The following DCLK2 variants were observed in gnomAD, a reference collection of about 807,000 sequenced individuals.
DCLK2 encodes serine/threonine-protein kinase DCLK2.
Under a neutral mutation model 78.4 loss-of-function variants are expected in DCLK2, and 31 were observed. The ratio of observed to expected loss-of-function variants is 0.40; its 90% confidence interval spans 0.30 to 0.53. The LOEUF (loss-of-function observed/expected upper bound fraction) is 0.53, where lower values mean the gene tolerates loss of function less well. Among genes scored for constraint, DCLK2 ranks in the 20% least tolerant of loss-of-function variants. The pLI, the probability that DCLK2 is intolerant of heterozygous loss-of-function variation, is 0.61. For missense variants in DCLK2, 872 were observed against 973.7 expected, an observed-to-expected ratio of 0.90 and a Z score of 1.39; for synonymous variants, 407 against 374.9, an observed-to-expected ratio of 1.09 and a Z score of -0.99.
In DCLK2 at chr4:150,091,767, T is replaced by TTGTGTG. The variant is rs777556852; in HGVS notation, c.422-10710_422-10709insGTGTGT. Reference sequence around the variant, plus strand: ...TAGTTCTTTGTCCTAAAAGGAACATTTATGTGTGTGTGTGTGTGTGTGTGT... The same window carrying TTGTGTG: ...TAGTTCTTTGTCCTAAAAGGAACATTTGTGTGTATGTGTGTGTGTGTGTGTGTGTGT... On this transcript the variant is annotated intron_variant, in intron 1 of 15. Transcript: ENST00000296550. Among the ~76,000 whole-genome samples, 491 of 133,718 alleles carry TTGTGTG rather than the reference T, an allele frequency of 3.7e-3. 4 individuals are homozygous for TTGTGTG. The highest frequency in any genetic ancestry group is 0.013 in the African/African-American group (472 of 35,602). 87.7% of individuals were successfully genotyped at this position (133,718 alleles called of 152,430 possible).
At chr4:150,120,185 G>A (rs1196219417) in intron 2 of DCLK2, among the ~76,000 whole-genome samples, 2 of 152,174 alleles carry the variant, frequency 1.3e-5, no homozygotes, top group Non-Finnish European at 2.9e-5. Flanking sequence ...ACCGATACAG[G>A]AAAATATTTA....
At chr4:150,125,298 A>G (rs1732842721) in intron 2 of DCLK2, among the ~76,000 whole-genome samples, 1 of 152,324 alleles carries the variant, frequency 6.6e-6, no homozygotes, top group Admixed American at 6.5e-5. Context: ...TTCAAAAATC[A>G]GTTTTACCAC....
intron 14 of DCLK2, 132 bp downstream of exon 14, chr4:150,248,517 G>A (rs561637041): frequency 4.0e-6 from 3 of 741,006 alleles, no homozygotes; most frequent in African/African-American, 1.7e-5. Flanking sequence ...CTGTCCCATT[G>A]AGCAAGTAGC....
rs1301073111 is a variant in DCLK2 at position 150,232,783 on chromosome 4, T to C, written c.1521T>C (p.His507=). 2 of 1,614,196 alleles carry C rather than the reference T, an allele frequency of 1.2e-6. No individual in the cohort carries two copies. The highest frequency in any genetic ancestry group is 1.7e-5 in the Admixed American group (1 of 60,032). ...YNLANALRYL[H]GLSIVHRDIK... Reference sequence around the variant, plus strand: ...TAGCCAATGCCCTCAGGTATCTCCATGGCCTCAGCATCGTGCACAGAGACA... The same window carrying C: ...TAGCCAATGCCCTCAGGTATCTCCACGGCCTCAGCATCGTGCACAGAGACA... Residue 507 remains histidine, a synonymous_variant, in exon 10 of 16, where the codon CAT becomes CAC. Transcript: ENST00000296550.
intron 2 of DCLK2, among the ~76,000 whole-genome samples, chr4:150,103,589 AAAATT>A (rs71651706): frequency 0.38 from 57,181 of 151,596 alleles, 10,944 homozygotes; most frequent in Non-Finnish European, 0.42. Flanking sequence ...TATAGTTTCC[AAAATT>A]AAATTTGTTT....
At chr4:150,110,105 G>T (rs1268060907) in intron 2 of DCLK2, among the ~76,000 whole-genome samples, 1 of 152,134 alleles carries the variant, frequency 6.6e-6, no homozygotes, top group African/African-American at 2.4e-5. Flanking sequence ...CCTGTCAGTT[G>T]CAAATTAGAA....
intron 2 of DCLK2, among the ~76,000 whole-genome samples, chr4:150,132,665 G>C (rs1733400279): frequency 6.6e-6 from 1 of 152,162 alleles, no homozygotes; most frequent in Non-Finnish European, 1.5e-5. Flanking sequence ...GGTCATGGCA[G>C]CCTTCAACTC....
At chr4:150,207,375 A>C (rs780563519) in intron 5 of DCLK2, among the ~76,000 whole-genome samples, 1 of 152,172 alleles carries the variant, frequency 6.6e-6, no homozygotes, top group Non-Finnish European at 1.5e-5. Context: ...CTCTTTGTAT[A>C]CATGTCTGGG....
intron 2 of DCLK2, among the ~76,000 whole-genome samples, chr4:150,108,871 C>T (rs896073838): frequency 2.0e-5 from 3 of 152,166 alleles, no homozygotes; most frequent in Non-Finnish European, 1.5e-5. Context: ...GCAAAACAGA[C>T]CCAGAAATTG....
chr4:150,246,444 C>G (rs1245689294), intron 12 of DCLK2, among the ~76,000 whole-genome samples: 1 of 152,204 alleles, frequency 6.6e-6, no homozygotes, highest in African/African-American at 2.4e-5. Context: ...ATCTGTTTCT[C>G]AGGACACCAC....
intron 1 of DCLK2, among the ~76,000 whole-genome samples, chr4:150,081,695 T>G (rs4259040): frequency 0.14 from 21,941 of 151,996 alleles, 1,972 homozygotes; most frequent in Non-Finnish European, 0.21. Context: ...CAATGCAATT[T>G]TTTTTTTAAA....
chr4:150,087,361 G>A (rs1479883608), intron 1 of DCLK2, among the ~76,000 whole-genome samples: 1 of 152,170 alleles, frequency 6.6e-6, no homozygotes, highest in African/African-American at 2.4e-5. Context: ...CACAATAGAT[G>A]TTTTAAAATA....
In DCLK2 at chr4:150,127,124, G is replaced by A. The variant is rs183118745; in HGVS notation, c.756+24312G>A. On this transcript the variant is annotated intron_variant, in intron 2 of 15. Coordinates refer to ENST00000296550, the MANE Select transcript of DCLK2 (RefSeq NM_001040260.4). ...CTCAATATATCTCATTACTGGTGAAGTTAGTGTTGGTCACTTGGTTAAGCA... is the reference window on the plus strand; with the variant it reads ...CTCAATATATCTCATTACTGGTGAAATTAGTGTTGGTCACTTGGTTAAGCA... Among the ~76,000 whole-genome samples, 278 of 152,320 alleles carry A rather than the reference G, an allele frequency of 1.8e-3. 1 individual carries two copies. The highest frequency in any genetic ancestry group is 6.3e-3 in the African/African-American group (264 of 41,576).
chr4:150,156,234 T>C (rs76025874), intron 2 of DCLK2, among the ~76,000 whole-genome samples: 4,378 of 152,108 alleles, frequency 0.029, 174 homozygotes, highest in African/African-American at 0.096. Context: ...TTATTATAAA[T>C]GATCCCATCA....
At chr4:150,130,084 G>T (rs919323213) in intron 2 of DCLK2, among the ~76,000 whole-genome samples, 2 of 152,126 alleles carry the variant, frequency 1.3e-5, no homozygotes, top group Non-Finnish European at 2.9e-5. Context: ...GTTTTGCACG[G>T]AAGTTTTTAA....
Position 150,163,398 on chromosome 4 carries a change from A to AAAAT in DCLK2, c.757-29712_757-29709dup, listed in dbSNP as rs146823719. On this transcript the variant is annotated intron_variant, in intron 2 of 15. Transcript: ENST00000296550. ...GGGTGACAGAGTGAGACTCCGTCTC[A>AAAAT]AAATAAATAAATAAATAAATAAATA... Among the ~76,000 whole-genome samples the AAAAT allele has an allele frequency of 1.8e-3, 275 of 150,708 alleles. 1 individual carries two copies. The highest frequency in any genetic ancestry group is 2.8e-3 in the Admixed American group (42 of 15,056).
In DCLK2 at chr4:150,256,157, C is replaced by A; in HGVS notation, c.2211C>A (p.Ala737=). The change falls in exon 16 of 16, where the codon GCC becomes GCA. Residue 737 remains alanine (A), a synonymous_variant. Transcript: ENST00000296550. ...CTGTGCCTGGGGAAGCAGTCCCGGC[C>A]CCCACCCCTCCGGAATCTCCCACCC... is the stretch of plus-strand genomic sequence containing the variant. ...EIPVPGEAVP[A]PTPPESPTPH... 6.4e-7 allele frequency: 1 copy of A among 1,562,248 alleles called. No individual in the cohort carries two copies. The highest frequency in any genetic ancestry group is 8.7e-7 in the Non-Finnish European group (1 of 1,147,966).
chr4:150,190,747 TA>T (rs953961567), intron 2 of DCLK2, among the ~76,000 whole-genome samples: 2 of 151,984 alleles, frequency 1.3e-5, no homozygotes, highest in South Asian at 2.1e-4. Flanking sequence ...CTTAATATAC[TA>T]AAAAAAACAT....
rs1297756201 is a variant in DCLK2, at chr4:150,256,168, C to T, written c.2222C>T (p.Pro741Leu). The T allele has an allele frequency of 5.8e-6, 9 of 1,563,580 alleles. No homozygotes were observed. Among genetic ancestry groups the T allele is most frequent in the East Asian group, 2.4e-5 (1 of 41,852 alleles). The change falls in exon 16 of 16, where the codon CCG becomes CTG. Residue 741 changes from proline to leucine, a missense_variant. Transcript: ENST00000296550. The stretch of plus-strand genomic sequence containing the variant: ...GAAGCAGTCCCGGCCCCCACCCCTC[C>T]GGAATCTCCCACCCCCCACCCTCCT... ...PGEAVPAPTP[P>L]ESPTPHPPPA...
Sources: allele counts gnomAD v4.1 joint callset (sites outside exome capture counted in the v4.1 genomes callset), GRCh38; gene constraint gnomAD v4.1.1; transcripts MANE v1.5; gene names NCBI Gene and HGNC (gene_info 2026-07-23, HGNC 2026-07-21).